Variants in ARHGEF40 observed in about 807,000 individuals in gnomAD.
ARHGEF40 encodes Rho guanine nucleotide exchange factor (GEF) 40.
Under a neutral mutation model 165.9 loss-of-function variants are expected in ARHGEF40, and 98 were observed. That is an observed-to-expected ratio of 0.59 (90% CI 0.50 to 0.70). ARHGEF40 has a LOEUF of 0.70. Among genes scored for constraint, ARHGEF40 ranks in the 30% least tolerant of loss-of-function variants. The probability of loss-of-function intolerance (pLI) is 0.00; values close to 1 mark genes in which losing one functional copy is unlikely to be tolerated. For missense variants in ARHGEF40, 1,815 were observed against 1,968.0 expected, an observed-to-expected ratio of 0.92 and a Z score of 1.47; for synonymous variants, 792 against 814.3, an observed-to-expected ratio of 0.97 and a Z score of 0.47.
Position 21,081,506 on chromosome 14 carries a change from T to A in ARHGEF40, c.2641-3T>A. 6.2e-7 allele frequency: 1 copy of A among 1,612,782 alleles called. No individual in the cohort carries two copies. The highest frequency in any genetic ancestry group is 8.5e-7 in the Non-Finnish European group (1 of 1,179,814). On this transcript the variant is annotated splice_region_variant and splice_polypyrimidine_tract_variant and intron_variant, in intron 13 of 23. Transcript: ENST00000298694. ...CCCATCCCCAACCCCTTTGACTTCGTAGGCACATGAATGGGTGGATGAGGG... is the reference window on the plus strand; with the variant it reads ...CCCATCCCCAACCCCTTTGACTTCGAAGGCACATGAATGGGTGGATGAGGG...
At chr14:21,079,598 G>C (rs1004253947) in intron 11 of ARHGEF40, among the ~76,000 whole-genome samples, 1 of 152,166 alleles carries the variant, frequency 6.6e-6, no homozygotes, top group Non-Finnish European at 1.5e-5. Context: ...CCTACCATGT[G>C]GGGTAGAGGG....
chr14:21,080,243 CA>C (rs1887784983), intron 11 of ARHGEF40, among the ~76,000 whole-genome samples: 1 of 101,274 alleles, frequency 9.9e-6, no homozygotes, highest in African/African-American at 3.5e-5. Context: ...CACACACACA[CA>C]CACACCCCTT....
chr14:21,080,639 C>G, intron 11 of ARHGEF40, 21 bp from the exon 12 acceptor site: 1 of 1,604,304 alleles, frequency 6.2e-7, no homozygotes, highest in South Asian at 1.1e-5. Context: ...ACCCCCTGCC[C>G]TCCCACCCCA....
rs1888699278 is a variant in ARHGEF40, at chr14:21,090,118, C to T, written c.*1110C>T. On this transcript the variant is annotated 3_prime_UTR_variant, in exon 24 of 24. Transcript: ENST00000298694. This position sits in a 1 kb window ranked among gnomAD's most constrained non-coding sequence, Gnocchi z 4.4. The stretch of plus-strand genomic sequence containing the variant: ...CCTGTTTATTGGGGACACGACTCTG[C>T]AATAGGGATGACAGGAATCGTACCA... The T allele has an allele frequency of 2.3e-6, 1 of 434,764 alleles. No homozygotes were observed. The highest frequency in any genetic ancestry group is 4.6e-6 in the Non-Finnish European group (1 of 215,802). The allele number at this position is 434,764 out of a possible 1,614,324, so 26.9% of individuals were successfully genotyped here.
chr14:21,064,392 C>G, the ARHGEF40 span, among the ~76,000 whole-genome samples: 1 of 148,356 alleles, frequency 6.7e-6, no homozygotes, highest in Non-Finnish European at 1.5e-5. Context: ...ACCTCTGCCC[C>G]TTGGGTTCAA....
intron 11 of ARHGEF40, among the ~76,000 whole-genome samples, chr14:21,079,958 C>A (rs757709868): frequency 6.6e-6 from 1 of 152,024 alleles, no homozygotes; most frequent in Non-Finnish European, 1.5e-5. Context: ...CTATAGAATG[C>A]GGATGGTAAC....
chr14:21,081,621 C>G lies in ARHGEF40; in HGVS notation c.2753C>G (p.Thr918Ser). 6.2e-7 allele frequency: 1 copy of G among 1,610,720 alleles called. No individual in the cohort carries two copies. Among genetic ancestry groups the G allele is most frequent in the South Asian group, 1.1e-5 (1 of 90,944 alleles). The part of the protein sequence containing the change: ...LRRAPEPSAG[T>S]FQEMRALALD... ...CGGGCCCCAGAGCCCAGTGCCGGCA[C>G]CTTCCAGGAGATGCGGGCCCTGGCC... The change falls in exon 14 of 24, where the codon ACC becomes AGC. Residue 918 changes from threonine (T) to serine (S), a missense_variant. Thr to Ser is a moderately conservative substitution (Grantham distance 58). Transcript: ENST00000298694.
chr14:21,064,892 C>T, the ARHGEF40 span, among the ~76,000 whole-genome samples: 2 of 152,104 alleles, frequency 1.3e-5, no homozygotes, highest in Non-Finnish European at 2.9e-5. Flanking sequence ...GTCCCGTGGC[C>T]GGGCATGGTG....
Position 21,074,785 on chromosome 14 carries a change from C to G in ARHGEF40, c.1055C>G (p.Pro352Arg). 1 of 1,609,444 alleles carries G rather than the reference C, an allele frequency of 6.2e-7. No individual in the cohort carries two copies. Residue 352 changes from proline (P) to arginine (R), a missense_variant, in exon 3 of 24, where the codon CCA (proline) becomes CGA (arginine). Transcript: ENST00000298694. This position sits in a 1 kb window ranked among gnomAD's most constrained non-coding sequence, Gnocchi z 4.8. ...GEASGSCPLR[P>R]GELRGGGGGG... ...GCCTCCGGATCTTGCCCCCTGAGGC[C>G]AGGGGAGCTTAGAGGAGGAGGAGGA...
chr14:21,076,284 T>G, intron 5 of ARHGEF40, 76 bp from the exon 6 acceptor site: 8 of 1,218,866 alleles, frequency 6.6e-6, no homozygotes. Flanking sequence ...ACAGACCCCG[T>G]ATGTCTGCCT....
At position 21,074,221 on chromosome 14, in the gene ARHGEF40, C is replaced by A; in HGVS notation, c.491C>A (p.Thr164Asn). Reference sequence around the variant, plus strand: ...GACCGGCCAACAGGTCGCCTCAGTACCTGCCTACTGTCTGCGCCCTCTGGG... The same window carrying A: ...GACCGGCCAACAGGTCGCCTCAGTAACTGCCTACTGTCTGCGCCCTCTGGG... ...NKDRPTGRLS[T>N]CLLSAPSGIQ... The change falls in exon 3 of 24, where the codon ACC becomes AAC. Residue 164 changes from threonine (T) to asparagine (N), a missense_variant. Physicochemically the swap from Thr to Asn is moderately conservative, Grantham distance 65. Transcript: ENST00000298694. The surrounding 1 kb of genome is among the most constrained non-coding windows in gnomAD (Gnocchi z 4.8). 6.2e-7 allele frequency: 1 copy of A among 1,614,146 alleles called. No individual in the cohort carries two copies.
rs920407406 is a variant in ARHGEF40, at chr14:21,084,865, G to A, written c.3902G>A (p.Ser1301Asn). The change falls in exon 18 of 24, where the codon AGC becomes AAC. Residue 1301 changes from serine to asparagine, a missense_variant. Physicochemically the swap from Ser to Asn is conservative, Grantham distance 46 (BLOSUM62 1). Coordinates refer to ENST00000298694, the MANE Select transcript of ARHGEF40 (RefSeq NM_018071.5). The part of the protein sequence containing the change: ...VFLFEHLLLF[S>N]KLKGPEGGSE... ...CTCTTCGAGCATCTCCTCCTGTTCA[G>A]CAAGCTCAAGGGCCCTGAAGGGGGG... is the stretch of plus-strand genomic sequence containing the variant. 1.2e-6 allele frequency: 2 copies of A among 1,614,052 alleles called. No homozygotes were observed.
At chr14:21,069,247 C>T (rs986049122), upstream of ARHGEF40, among the ~76,000 whole-genome samples, 1 of 152,206 alleles carries the variant, frequency 6.6e-6, no homozygotes, top group African/African-American at 2.4e-5. Flanking sequence ...CAGACACTGT[C>T]GGGGGACGCT....
Position 21,088,859 on chromosome 14 carries a change from C to G in ARHGEF40, c.4548C>G (p.Thr1516=), listed in dbSNP as rs1463263564. 1 of 1,613,324 alleles carries G rather than the reference C, an allele frequency of 6.2e-7. No individual in the cohort carries two copies. Among genetic ancestry groups the G allele is most frequent in the African/African-American group, 1.3e-5 (1 of 74,990 alleles). Residue 1516 remains threonine (T), a synonymous_variant, in exon 23 of 24, where the codon ACC becomes ACG. Transcript: ENST00000298694. ...ATGCTCGAGCCCTGAGTGACCCCAC[C>G]ACGCCTCTGTGACCTGGGTGAGTCA... ...QSHARALSDP[T]TPL
In ARHGEF40 at chr14:21,075,607, C is replaced by T; in HGVS notation, c.1619-38C>T. Reference sequence around the variant, plus strand: ...GTGGAAAGGAGGTAGGCATGGACTGCTCCCAGCCAGGACAGCCTGGCCATT... The same window carrying T: ...GTGGAAAGGAGGTAGGCATGGACTGTTCCCAGCCAGGACAGCCTGGCCATT... On this transcript the variant is annotated intron_variant, in intron 4 of 23. Coordinates refer to ENST00000298694, the MANE Select transcript of ARHGEF40 (RefSeq NM_018071.5). This position sits in a 1 kb window ranked among gnomAD's most constrained non-coding sequence, Gnocchi z 4.5. The T allele has an allele frequency of 6.2e-7, 1 of 1,613,930 alleles. No homozygotes were observed. Among genetic ancestry groups the T allele is most frequent in the Admixed American group, 1.7e-5 (1 of 60,022 alleles).
chr14:21,084,123 C>G (rs775670214), intron 17 of ARHGEF40, 73 bp downstream of exon 17: 1 of 1,444,560 alleles, frequency 6.9e-7, no homozygotes, highest in Non-Finnish European at 9.3e-7. Flanking sequence ...AGGTTGGTGA[C>G]AGGAGAACCA....
chr14:21,082,069 C>T lies in ARHGEF40; in HGVS notation c.3201C>T (p.Asp1067=), dbSNP rs768385826. The change falls in exon 14 of 24, where the codon GAC becomes GAT. Residue 1067 remains aspartate (D), a synonymous_variant. Transcript: ENST00000298694. ...TGCTGGGCCGGGCTAGGGGGCCAGA[C>T]GGACCCTGGGGAGTAGGCACCCCCC... The part of the protein sequence containing the change: ...HVLLGRARGP[D]GPWGVGTPRM... 14 of 1,559,822 alleles carry T rather than the reference C, an allele frequency of 9.0e-6. No individual in the cohort carries two copies. In the Admixed American group the frequency reaches 1.7e-4, roughly 19 times the overall value.
rs370415800 is a variant in ARHGEF40, at chr14:21,074,388, G to A, written c.658G>A (p.Glu220Lys). The A allele has an allele frequency of 6.2e-7, 1 of 1,613,504 alleles. No homozygotes were observed. Residue 220 changes from glutamate (E) to lysine (K), a missense_variant, in exon 3 of 24, where the codon GAG becomes AAG. Coordinates refer to ENST00000298694, the MANE Select transcript of ARHGEF40 (RefSeq NM_018071.5). The surrounding 1 kb of genome is among the most constrained non-coding windows in gnomAD (Gnocchi z 4.8). Reference sequence around the variant, plus strand: ...GCTTCCCAGCCCTCCACTTCCTGAGGAGGCGCTGGGTACCCGGAGTCCTGG... The same window carrying A: ...GCTTCCCAGCCCTCCACTTCCTGAGAAGGCGCTGGGTACCCGGAGTCCTGG... ...PGLPSPPLPE[E>K]ALGTRSPGDG... is the part of the protein sequence containing the mutation.
intron 15 of ARHGEF40, 147 bp from the exon 16 acceptor site, chr14:21,082,684 C>A: frequency 9.8e-7 from 1 of 1,017,634 alleles, no homozygotes; most frequent in Non-Finnish European, 1.4e-6. Flanking sequence ...GCTCTCTCCA[C>A]AGGGAGCCCT....
Sources: gnomAD v4.1 joint callset for allele counts (sites outside exome capture counted in the v4.1 genomes callset) on GRCh38, gnomAD v4.1.1 for gene constraint, Gnocchi (gnomAD v3.1) non-coding constraint, MANE v1.5 for transcripts, NCBI Gene and HGNC (gene_info 2026-07-23, HGNC 2026-07-21) for gene names.